PPP2CA: variants seen among roughly 807,000 people sequenced by gnomAD.
The protein encoded by PPP2CA is protein phosphatase 2 catalytic subunit alpha.
Under a neutral mutation model 38.8 loss-of-function variants are expected in PPP2CA, and 5 were observed. The ratio of observed to expected loss-of-function variants is 0.13; its 90% CI spans 0.07 to 0.27. PPP2CA has a LOEUF of 0.27. Ranked by LOEUF, PPP2CA falls within the 10% of genes least tolerant of loss-of-function variation. The probability of loss-of-function intolerance (pLI) is 1.00; values close to 1 mark genes in which losing one functional copy is unlikely to be tolerated. For missense variants in PPP2CA, 88 were observed against 389.7 expected (o/e 0.23, Z 6.52); for synonymous variants, 152 against 134.0 (o/e 1.13, Z -0.93).
chr5:134,218,130 T>C (rs566199233), intron 1 of PPP2CA, among the ~76,000 whole-genome samples: 2 of 151,980 alleles, frequency 1.3e-5, no homozygotes, highest in South Asian at 4.1e-4. Flanking sequence ...TGTCTTTCAT[T>C]AACTACACTG....
Position 134,225,895 on chromosome 5 carries a change from G to C in PPP2CA, c.-34C>G. 6.3e-7 allele frequency: 1 copy of C among 1,591,250 alleles called. No individual in the cohort carries two copies. The highest frequency in any genetic ancestry group is 1.7e-4 in the Middle Eastern group (1 of 6,026). ...CCGCCCCAGCCGGCTGCCGCTCCGC[G>C]CTGCTCCCGCGCCGCCGCCCGCACA... On this transcript the variant is annotated 5_prime_UTR_variant, in exon 1 of 7. Coordinates refer to ENST00000481195, the MANE Select transcript of PPP2CA (RefSeq NM_002715.4).
rs1209103804 is a variant in PPP2CA, at chr5:134,226,016, C to A, written c.-155G>T. 1 of 590,490 alleles carries A rather than the reference C, an allele frequency of 1.7e-6. No homozygotes were observed. Among genetic ancestry groups the A allele is most frequent in the East Asian group, 3.3e-5 (1 of 30,032 alleles). The allele number at this position is 590,490 out of a possible 1,614,324, so 36.6% of individuals were successfully genotyped here. A position where few individuals can be genotyped will look rare whatever the true frequency, so the allele number is the denominator to read the frequency against. The stretch of plus-strand genomic sequence containing the variant: ...CGCTGGCTCTCACCGCAGTACTCGG[C>A]CGTCGGCCGCTGCGCCTCCTCCTCC... On this transcript the variant is annotated 5_prime_UTR_variant, in exon 1 of 7. Transcript: ENST00000481195.
At chr5:134,222,839 TAAC>T (rs1290300877) in intron 1 of PPP2CA, among the ~76,000 whole-genome samples, 1 of 152,240 alleles carries the variant, frequency 6.6e-6, no homozygotes, top group African/African-American at 2.4e-5. Context: ...TACTATACAC[TAAC>T]AACCTTGGCT....
intron 1 of PPP2CA, among the ~76,000 whole-genome samples, chr5:134,215,272 T>A (rs1762292412): frequency 6.6e-6 from 1 of 152,108 alleles, no homozygotes; most frequent in Non-Finnish European, 1.5e-5. Context: ...AATTTATTTT[T>A]AAAAATTATT....
Position 134,225,973 on chromosome 5 carries a change from T to C in PPP2CA, c.-112A>G, listed in dbSNP as rs888822008. 12 of 1,008,634 alleles carry C rather than the reference T, an allele frequency of 1.2e-5. No individual in the cohort carries two copies. In the East Asian group the frequency reaches 1.3e-4, roughly 11 times the overall value. The allele number at this position is 1,008,634 out of a possible 1,614,324, so 62.5% of individuals were successfully genotyped here. ...GTTCCTCGTGTACTTCTGGCGGCTGTTGAGGCTGGCGCTGGCCCGCTGGCT... is the reference window on the plus strand; with the variant it reads ...GTTCCTCGTGTACTTCTGGCGGCTGCTGAGGCTGGCGCTGGCCCGCTGGCT... On this transcript the variant is annotated 5_prime_UTR_variant, in exon 1 of 7. Coordinates refer to ENST00000481195, the MANE Select transcript of PPP2CA (RefSeq NM_002715.4).
intron 1 of PPP2CA, among the ~76,000 whole-genome samples, chr5:134,206,669 T>C (rs1762091069): frequency 6.6e-6 from 1 of 152,184 alleles, no homozygotes; most frequent in Admixed American, 6.5e-5. Context: ...TCACAAACTT[T>C]TTTGTAGAGA....
At chr5:134,201,144 G>A (rs1260542186) in intron 3 of PPP2CA, 70 bp from the exon 4 acceptor site, 1 of 1,190,948 alleles carries the variant, frequency 8.4e-7, no homozygotes, top group Non-Finnish European at 1.2e-6. Context: ...GGGCACAGTG[G>A]CTCATGCCTG....
Position 134,225,636 on chromosome 5 carries a change from C to G in PPP2CA, c.102+124G>C, listed in dbSNP as rs878869662. 6.6e-6 allele frequency: 5 copies of G among 758,244 alleles called. No individual in the cohort carries two copies. The South Asian group carries it at 8.7e-5, about 13-fold the overall frequency. 47.0% of individuals were successfully genotyped at this position (758,244 alleles called of 1,614,324 possible). A position where few individuals can be genotyped will look rare whatever the true frequency, so the allele number is the denominator to read the frequency against. ...AAGCCGCCGCCGGCCAGGATGGGCG[C>G]CGGTCTCGGAGACTCGGGGGGCCCG... On this transcript the variant is annotated intron_variant, in intron 1 of 6. Transcript: ENST00000481195.
rs2149390406 is a variant in PPP2CA, at chr5:134,225,981, G to A, written c.-120C>T. Reference sequence around the variant, plus strand: ...TGTACTTCTGGCGGCTGTTGAGGCTGGCGCTGGCCCGCTGGCTCTCACCGC... The same window carrying A: ...TGTACTTCTGGCGGCTGTTGAGGCTAGCGCTGGCCCGCTGGCTCTCACCGC... On this transcript the variant is annotated 5_prime_UTR_variant, in exon 1 of 7. Transcript: ENST00000481195. The A allele has an allele frequency of 2.2e-6, 2 of 892,432 alleles. No homozygotes were observed. Among genetic ancestry groups the A allele is most frequent in the Non-Finnish European group, 3.4e-6 (2 of 594,672 alleles). 55.3% of individuals were successfully genotyped at this position (892,432 alleles called of 1,614,324 possible). A position where few individuals can be genotyped will look rare whatever the true frequency, so the allele number is the denominator to read the frequency against.
chr5:134,223,640 G>T (rs1451477277), intron 1 of PPP2CA, among the ~76,000 whole-genome samples: 1 of 152,166 alleles, frequency 6.6e-6, no homozygotes, highest in African/African-American at 2.4e-5. Flanking sequence ...CAAAGATGTG[G>T]AAAGCAATAT....
intron 2 of PPP2CA, chr5:134,205,661 G>C (rs1478937029): frequency 2.6e-6 from 1 of 382,636 alleles, no homozygotes; most frequent in African/African-American, 2.1e-5. Flanking sequence ...GGGATTACAG[G>C]CATAAGCCAT....
chr5:134,209,827 C>G (rs1302428212), intron 1 of PPP2CA, among the ~76,000 whole-genome samples: 1 of 151,662 alleles, frequency 6.6e-6, no homozygotes, highest in Non-Finnish European at 1.5e-5. Flanking sequence ...CCTGTAATCC[C>G]AACACTTTGG....
At chr5:134,219,310 G>C (rs552207811) in intron 1 of PPP2CA, among the ~76,000 whole-genome samples, 7 of 152,202 alleles carry the variant, frequency 4.6e-5, no homozygotes, top group Non-Finnish European at 8.8e-5. Flanking sequence ...ATACAATGAA[G>C]GTTTATTAAA....
intron 1 of PPP2CA, among the ~76,000 whole-genome samples, chr5:134,213,812 A>G (rs752287243): frequency 6.6e-6 from 1 of 152,126 alleles, no homozygotes; most frequent in Admixed American, 6.6e-5. Context: ...GATTACAACC[A>G]TGTCACAATT....
intron 6 of PPP2CA, among the ~76,000 whole-genome samples, chr5:134,198,536 TA>T (rs1273868792): frequency 6.6e-6 from 1 of 151,972 alleles, no homozygotes; most frequent in African/African-American, 2.4e-5. Flanking sequence ...AACTTAAAAA[TA>T]AAAGTTGGAA....
At chr5:134,223,707 C>T (rs1762497345) in intron 1 of PPP2CA, among the ~76,000 whole-genome samples, 1 of 152,196 alleles carries the variant, frequency 6.6e-6, no homozygotes, top group Admixed American at 6.5e-5. Context: ...TTATCTTCTA[C>T]AACAGTTTCC....
chr5:134,201,829 G>A lies in PPP2CA; in HGVS notation c.486+19C>T. 1 of 1,606,742 alleles carries A rather than the reference G, an allele frequency of 6.2e-7. No homozygotes were observed. Among genetic ancestry groups the A allele is most frequent in the Non-Finnish European group, 8.5e-7 (1 of 1,177,180 alleles). ...CAGATTCTCTGAAATAATCAGCAAT[G>A]AGTTTTAGATCCACATACCTGCCCA... is the stretch of plus-strand genomic sequence containing the variant. On this transcript the variant is annotated intron_variant, in intron 3 of 6. Transcript: ENST00000481195.
In PPP2CA at chr5:134,216,665, G is replaced by T. The variant is rs562495394; in HGVS notation, c.102+9095C>A. Among the ~76,000 whole-genome samples, 8 of 151,188 alleles carry T rather than the reference G, an allele frequency of 5.3e-5. No homozygotes were observed. The East Asian group carries it at 5.9e-4, about 11-fold the overall frequency. On this transcript the variant is annotated intron_variant, in intron 1 of 6. Coordinates refer to ENST00000481195, the MANE Select transcript of PPP2CA (RefSeq NM_002715.4). Reference sequence around the variant, plus strand: ...GATCAATGATTTATACTTAACTAAAGAAACCTGTTTTTTGTTTTGTAGAAA... The same window carrying T: ...GATCAATGATTTATACTTAACTAAATAAACCTGTTTTTTGTTTTGTAGAAA...
At chr5:134,210,320 T>C (rs781054823) in intron 1 of PPP2CA, among the ~76,000 whole-genome samples, 3 of 152,174 alleles carry the variant, frequency 2.0e-5, no homozygotes, top group African/African-American at 7.2e-5. Flanking sequence ...GACTTTTAAG[T>C]AACTTAATTT....
Sources: allele counts gnomAD v4.1 joint callset (sites outside exome capture counted in the v4.1 genomes callset), GRCh38; gene constraint gnomAD v4.1.1; transcripts MANE v1.5; gene names NCBI Gene and HGNC (gene_info 2026-07-23, HGNC 2026-07-21).